The following ZNF469 variants were observed in gnomAD, a reference collection of about 807,000 sequenced individuals.
ZNF469 encodes zinc finger protein 469.
In ZNF469, 1 loss-of-function variant was observed where a neutral mutation model predicts 1.0. The ratio of observed to expected loss-of-function variants is 1.00; its 90% CI spans 0.35 to 4.73. The LOEUF (loss-of-function observed/expected upper bound fraction) is 4.73. Among genes scored for constraint, ZNF469 ranks in the 30% most tolerant of loss-of-function variants. The pLI, the probability that ZNF469 is intolerant of heterozygous loss-of-function variation, is 0.16. For synonymous variants in ZNF469, 2,703 were observed against 2,363.4 expected, an observed-to-expected ratio of 1.14 and a Z score of -4.17; for missense variants, 6,100 against 5,356.3, an observed-to-expected ratio of 1.14 and a Z score of -4.33.
chr16:88,330,363 T>C, the ZNF469 span, among the ~76,000 whole-genome samples: 1 of 152,226 alleles, frequency 6.6e-6, no homozygotes, highest in African/African-American at 2.4e-5. Context: ...GCCGTGATGA[T>C]GTGTGGGGCA....
At chr16:88,249,058 G>A in the ZNF469 span, among the ~76,000 whole-genome samples, 1 of 152,034 alleles carries the variant, frequency 6.6e-6, no homozygotes, top group African/African-American at 2.4e-5. Context: ...ACATGTCTAT[G>A]CGCTCTTTTT....
chr16:88,413,216 G>A lies in ZNF469; in HGVS notation c.-191-11591G>A, dbSNP rs150815964. ...CAAACAGCTGCCATCCCGTGTGCAC[G>A]AGAGGCCGGGACCAAGAAGGCAGAG... On this transcript the variant is annotated intron_variant, in intron 1 of 2. Coordinates refer to ENST00000565624, the MANE Select transcript of ZNF469 (RefSeq NM_001367624.2). Among the ~76,000 whole-genome samples the A allele has an allele frequency of 2.8e-3, 424 of 152,352 alleles. 3 individuals are homozygous for A. Among genetic ancestry groups the A allele is most frequent in the African/African-American group, 9.5e-3 (397 of 41,586 alleles).
chr16:88,195,008 A>AG, the ZNF469 span: 5 of 152,202 alleles, frequency 3.3e-5, no homozygotes, highest in East Asian at 1.9e-4. Context: ...TGGGCCACGT[A>AG]GGCCCCAGAG....
chr16:88,245,397 C>CA, the ZNF469 span, among the ~76,000 whole-genome samples: 1 of 152,256 alleles, frequency 6.6e-6, no homozygotes, highest in Non-Finnish European at 1.5e-5. Context: ...AGAGAGGATG[C>CA]GTAGGCTCTT....
chr16:88,223,501 A>C, the ZNF469 span, among the ~76,000 whole-genome samples: 3 of 152,234 alleles, frequency 2.0e-5, no homozygotes, highest in Non-Finnish European at 4.4e-5. Flanking sequence ...TGTTTGCATC[A>C]CTGAGTATCA....
At chr16:88,388,177 A>G (rs980034366) in intron 1 of ZNF469, among the ~76,000 whole-genome samples, 1 of 152,360 alleles carries the variant, frequency 6.6e-6, no homozygotes, top group Non-Finnish European at 1.5e-5. Context: ...GTGTGAACTC[A>G]GCAGCCCCGG....
the ZNF469 span, among the ~76,000 whole-genome samples, chr16:88,185,980 GACAC>G: frequency 2.0e-5 from 3 of 152,100 alleles, no homozygotes; most frequent in Admixed American, 1.3e-4. Context: ...CTCGTGCCCA[GACAC>G]ACACACTCAC....
chr16:88,161,786 G>A, the ZNF469 span, among the ~76,000 whole-genome samples: 1 of 152,210 alleles, frequency 6.6e-6, no homozygotes, highest in Non-Finnish European at 1.5e-5. Flanking sequence ...AGGGACAGCC[G>A]AGGAAGCCAG....
intron 1 of ZNF469, among the ~76,000 whole-genome samples, chr16:88,405,586 C>A (rs1905005945): frequency 6.6e-6 from 1 of 152,150 alleles, no homozygotes; most frequent in African/African-American, 2.4e-5. Context: ...AGTGAGTGGA[C>A]ACAGGTCCCC....
the ZNF469 span, among the ~76,000 whole-genome samples, chr16:88,370,046 A>G: frequency 6.6e-6 from 1 of 152,246 alleles, no homozygotes. Context: ...CCAAACAGGG[A>G]AATTTCAAAG....
At chr16:88,144,671 A>G in the ZNF469 span, among the ~76,000 whole-genome samples, 1 of 152,210 alleles carries the variant, frequency 6.6e-6, no homozygotes, top group African/African-American at 2.4e-5. Context: ...CGTGTGGCCC[A>G]GCGAAATCCT....
At chr16:88,413,498 C>T (rs1256328224) in intron 1 of ZNF469, among the ~76,000 whole-genome samples, 1 of 152,240 alleles carries the variant, frequency 6.6e-6, no homozygotes, top group East Asian at 1.9e-4. Flanking sequence ...GAGCCCTGGG[C>T]TCTGTGGCAG....
chr16:88,228,969 C>T, the ZNF469 span, among the ~76,000 whole-genome samples: 1 of 152,282 alleles, frequency 6.6e-6, no homozygotes, highest in South Asian at 2.1e-4. Flanking sequence ...CAGCCGGGCA[C>T]CCATATCTGC....
upstream of ZNF469, among the ~76,000 whole-genome samples, chr16:88,380,867 C>A (rs2092520945): frequency 2.0e-5 from 3 of 149,256 alleles, no homozygotes; most frequent in Admixed American, 1.3e-4. Flanking sequence ...TGCACTCACA[C>A]ACAGTCATGC....
the ZNF469 span, among the ~76,000 whole-genome samples, chr16:88,316,032 G>T: frequency 6.6e-6 from 1 of 152,208 alleles, no homozygotes; most frequent in South Asian, 2.1e-4. Context: ...TCTGTAGGGC[G>T]GCACCTGGAC....
At chr16:88,405,025 G>T (rs1875242) in intron 1 of ZNF469, among the ~76,000 whole-genome samples, 3 of 152,124 alleles carry the variant, frequency 2.0e-5, no homozygotes, top group South Asian at 2.1e-4. Flanking sequence ...CAGTCTAACA[G>T]GGCGGGGAGG....
At chr16:88,218,537 C>A in the ZNF469 span, among the ~76,000 whole-genome samples, 4 of 152,214 alleles carry the variant, frequency 2.6e-5, no homozygotes, top group East Asian at 7.7e-4. Context: ...TCTCAATAGA[C>A]GCAGAAAAAG....
chr16:88,381,432 A>G (rs893240141), upstream of ZNF469, among the ~76,000 whole-genome samples: 1 of 152,174 alleles, frequency 6.6e-6, no homozygotes, highest in Non-Finnish European at 1.5e-5. Context: ...TCTCACACAC[A>G]CACACGGGTT....
the ZNF469 span, among the ~76,000 whole-genome samples, chr16:88,321,995 C>A: frequency 6.6e-6 from 1 of 152,198 alleles, no homozygotes; most frequent in African/African-American, 2.4e-5. Context: ...TAGGACAGGC[C>A]CTGGCGAGAT....
Sources: allele counts gnomAD v4.1 joint callset (sites outside exome capture counted in the v4.1 genomes callset), GRCh38; gene constraint gnomAD v4.1.1; transcripts MANE v1.5; gene names NCBI Gene and HGNC (gene_info 2026-07-23, HGNC 2026-07-21).